Variants in RGS12 observed in about 807,000 individuals in gnomAD.
RGS12 encodes the protein regulator of G protein signaling 12.
A neutral mutation model predicts 120.1 loss-of-function variants in RGS12; 66 were observed. That is an observed-to-expected ratio of 0.55 (90% CI 0.45 to 0.67). The LOEUF is 0.67. RGS12 is among the 30% of genes least tolerant of loss of function. The pLI is 0.00. For synonymous variants in RGS12, 827 were observed against 804.7 expected (o/e 1.03, Z -0.47); for missense variants, 1,859 against 1,957.7 (o/e 0.95, Z 0.95).
chr4:3,417,185 G>A (rs570600439), intron 8 of RGS12, 93 bp downstream of exon 8: 49 of 1,382,904 alleles, frequency 3.5e-5, no homozygotes, highest in African/African-American at 2.3e-4. Flanking sequence ...CCCTGTCGGC[G>A]TCTTCACCAG....
chr4:3,305,601 T>C (rs150643231), intron 1 of RGS12, among the ~76,000 whole-genome samples: 7 of 152,286 alleles, frequency 4.6e-5, no homozygotes, highest in Non-Finnish European at 8.8e-5. Flanking sequence ...AGGCCAGACC[T>C]TCCTGTTCAA....
At chr4:3,423,105 G>A (rs899268341) in intron 12 of RGS12, 127 bp downstream of exon 12, 8 of 698,196 alleles carry the variant, frequency 1.1e-5, no homozygotes, top group South Asian at 5.0e-5. Context: ...ATGGGGTGTC[G>A]GGGCGGGGGG....
In RGS12 at chr4:3,301,813, C is replaced by T. The variant is rs554810013; in HGVS notation, c.-102+8714C>T. Among the ~76,000 whole-genome samples, 4 of 152,124 alleles carry T rather than the reference C, an allele frequency of 2.6e-5. No homozygotes were observed. In the South Asian group the frequency reaches 8.3e-4, roughly 32 times the overall value. ...ATGTCCAGGTGGGGTGATGGGGGAC[C>T]TCCGAGGTGCCAGCAAGGAGGAGGA... On this transcript the variant is annotated intron_variant, in intron 1 of 17. Coordinates refer to ENST00000336727, the MANE Select transcript of RGS12 (RefSeq NM_001394154.1).
Position 3,316,936 on chromosome 4 carries a change from C to T in RGS12, c.766C>T (p.Arg256Cys), listed in dbSNP as rs750084355. 29 of 1,613,838 alleles carry T rather than the reference C, an allele frequency of 1.8e-5. No homozygotes were observed. Among genetic ancestry groups the T allele is most frequent in the African/African-American group, 5.3e-5 (4 of 74,944 alleles). ...GGAGTCCGACAGCTTGCAAGCCATCCGCGGCTGCATGCGGCGCCTGCGGGC... is the reference window on the plus strand; with the variant it reads ...GGAGTCCGACAGCTTGCAAGCCATCTGCGGCTGCATGCGGCGCCTGCGGGC... ...NLESDSLQAI[R>C]GCMRRLRAEQ... Residue 256 changes from arginine (R) to cysteine (C), a missense_variant, in exon 2 of 18, where the codon CGC (arginine) becomes TGC (cysteine). Transcript: ENST00000336727.
chr4:3,348,901 A>G (rs569562500), intron 3 of RGS12, among the ~76,000 whole-genome samples: 3 of 152,354 alleles, frequency 2.0e-5, no homozygotes, highest in African/African-American at 7.2e-5. Context: ...CTGGAGAGGA[A>G]GACCCTGCCT....
intron 2 of RGS12, among the ~76,000 whole-genome samples, chr4:3,322,543 G>A (rs997223895): frequency 4.6e-5 from 7 of 152,112 alleles, no homozygotes; most frequent in South Asian, 2.1e-4. Flanking sequence ...TAAGGCAAGC[G>A]TGTTTAATTC....
chr4:3,359,532 G>T (rs1715358507), intron 3 of RGS12, among the ~76,000 whole-genome samples: 1 of 143,328 alleles, frequency 7.0e-6, no homozygotes, highest in African/African-American at 2.6e-5. Flanking sequence ...TCAGGTCCAG[G>T]GCTTTCCTTT....
intron 2 of RGS12, among the ~76,000 whole-genome samples, chr4:3,318,894 A>T (rs1346763768): frequency 6.6e-6 from 1 of 152,096 alleles, no homozygotes; most frequent in Non-Finnish European, 1.5e-5. Flanking sequence ...GTGACAGGTG[A>T]TGGGGGTGGG....
rs553364098 is a variant in RGS12, at chr4:3,351,099, A to G, written c.1998+8046A>G. Among the ~76,000 whole-genome samples, 27 of 152,366 alleles carry G rather than the reference A, an allele frequency of 1.8e-4. 1 individual carries two copies. The highest frequency in any genetic ancestry group is 6.0e-4 in the African/African-American group (25 of 41,592). The stretch of plus-strand genomic sequence containing the variant: ...CAGAATTATGGATAAAGCAGTTTTC[A>G]TAGCAGTTTGACTTTTAAAAACCTT... On this transcript the variant is annotated intron_variant, in intron 3 of 17. Transcript: ENST00000336727.
intron 1 of RGS12, chr4:3,313,102 C>T (rs1055591986): frequency 6.6e-6 from 1 of 152,204 alleles, no homozygotes; most frequent in African/African-American, 2.4e-5. Context: ...ATATTACTTA[C>T]ATGAGTTACA....
chr4:3,357,797 G>C (rs114017005), intron 3 of RGS12, among the ~76,000 whole-genome samples: 4,892 of 152,164 alleles, frequency 0.032, 241 homozygotes, highest in African/African-American at 0.11. Context: ...AAGTCCTCTA[G>C]CTTTGTTCTT....
intron 4 of RGS12, among the ~76,000 whole-genome samples, chr4:3,398,972 G>A (rs1028143241): frequency 1.3e-5 from 2 of 152,070 alleles, no homozygotes; most frequent in Non-Finnish European, 2.9e-5. Context: ...AATAGAAGTC[G>A]ATCATAAAAT....
At chr4:3,364,212 A>T (rs1167955638) in intron 3 of RGS12, among the ~76,000 whole-genome samples, 1 of 152,236 alleles carries the variant, frequency 6.6e-6, no homozygotes, top group Middle Eastern at 3.4e-3. Context: ...TCTGGCTTGG[A>T]TGTCACCATC....
Position 3,374,188 on chromosome 4 carries a change from T to G in RGS12, c.1999-12228T>G. ...AGGTTCCTTGCAACGCTTGCCATCC[T>G]ACGCATGATGCAGGGACCCCGGCCC... On this transcript the variant is annotated intron_variant, in intron 3 of 17. Coordinates refer to ENST00000336727, the MANE Select transcript of RGS12 (RefSeq NM_001394154.1). The surrounding 1 kb of genome is among the most constrained non-coding windows in gnomAD (Gnocchi z 6.3). Among the ~76,000 whole-genome samples, 1 of 152,240 alleles carries G rather than the reference T, an allele frequency of 6.6e-6. No homozygotes were observed. The highest frequency in any genetic ancestry group is 1.9e-4 in the East Asian group (1 of 5,196).
In RGS12 at chr4:3,376,247, AACACACACACACACACACACACACAC is replaced by A. The variant is rs55666879; in HGVS notation, c.1999-10148_1999-10123del. Among the ~76,000 whole-genome samples, 18 of 143,582 alleles carry A rather than the reference AACACACACACACACACACACACACAC, an allele frequency of 1.3e-4. No individual in the cohort carries two copies. In the South Asian group the frequency reaches 3.4e-3, roughly 27 times the overall value. 94.2% of individuals were successfully genotyped at this position (143,582 alleles called of 152,430 possible). On this transcript the variant is annotated intron_variant, in intron 3 of 17. Coordinates refer to ENST00000336727, the MANE Select transcript of RGS12 (RefSeq NM_001394154.1). ...TATTCAAGGTTGAAAAGCTCCTTGG[AACACACACACACACACACACACACAC>A]ACACACACACACACACACACTTTAA...
Position 3,366,251 on chromosome 4 carries a change from G to A in RGS12, c.1999-20165G>A, listed in dbSNP as rs923463351. ...GCAAAGGGTCAGACTGGCATATGGCGGCCAGCTGTCTAGTTGGTTATGCGG... is the reference window on the plus strand; with the variant it reads ...GCAAAGGGTCAGACTGGCATATGGCAGCCAGCTGTCTAGTTGGTTATGCGG... On this transcript the variant is annotated intron_variant, in intron 3 of 17. Transcript: ENST00000336727. This position sits in a 1 kb window ranked among gnomAD's most constrained non-coding sequence, Gnocchi z 4.0. 1.3e-5 allele frequency among the ~76,000 whole-genome samples: 2 copies of A among 152,154 alleles called. No homozygotes were observed. Among genetic ancestry groups the A allele is most frequent in the African/African-American group, 2.4e-5 (1 of 41,428 alleles).
intron 17 of RGS12, among the ~76,000 whole-genome samples, chr4:3,432,502 G>A (rs573482703): frequency 3.3e-5 from 5 of 152,244 alleles, no homozygotes; most frequent in African/African-American, 1.2e-4. Context: ...CTGGCTCTGC[G>A]CACAGGTGTG....
At chr4:3,403,564 G>A (rs572851502) in intron 4 of RGS12, among the ~76,000 whole-genome samples, 1 of 152,346 alleles carries the variant, frequency 6.6e-6, no homozygotes, top group East Asian at 1.9e-4. Flanking sequence ...GACTGAGATC[G>A]ATAGCATGTA....
intron 1 of RGS12, among the ~76,000 whole-genome samples, chr4:3,307,203 T>G (rs1724022631): frequency 6.6e-6 from 1 of 152,210 alleles, no homozygotes; most frequent in Non-Finnish European, 1.5e-5. Flanking sequence ...GCCGACGTGT[T>G]GCCGCCGGCT....
Sources: gnomAD v4.1 joint callset for allele counts (sites outside exome capture counted in the v4.1 genomes callset) on GRCh38, gnomAD v4.1.1 for gene constraint, Gnocchi (gnomAD v3.1) non-coding constraint, MANE v1.5 for transcripts, NCBI Gene and HGNC (gene_info 2026-07-23, HGNC 2026-07-21) for gene names.